The following AGBL1 variants were observed in gnomAD, a reference collection of about 807,000 sequenced individuals.
The protein encoded by AGBL1 is cytosolic carboxypeptidase 4.
A neutral mutation model predicts 118.9 loss-of-function variants in AGBL1; 130 were observed. The observed-to-expected ratio is 1.09, with a 90% CI of 0.95 to 1.26. The LOEUF (loss-of-function observed/expected upper bound fraction) is 1.26. AGBL1 is among the 50% of genes most tolerant of loss of function. AGBL1 has a pLI of 0.00. For synonymous variants in AGBL1, 555 were observed against 478.9 expected (o/e 1.16, Z -2.08); for missense variants, 1,584 against 1,298.1 (o/e 1.22, Z -3.38).
chr15:86,691,811 G>A (rs1302462950), intron 22 of AGBL1, among the ~76,000 whole-genome samples: 2 of 152,068 alleles, frequency 1.3e-5, no homozygotes, highest in African/African-American at 4.8e-5. Context: ...CATTAACTAT[G>A]ATCCAACTTA....
intron 5 of AGBL1, among the ~76,000 whole-genome samples, chr15:86,208,604 T>C (rs1026192228): frequency 3.9e-5 from 6 of 152,146 alleles, no homozygotes; most frequent in Admixed American, 6.5e-5. Context: ...AGTTTATTTG[T>C]GTAGAGGTGT....
At chr15:87,024,358 T>G (rs2081702487) in intron 24 of AGBL1, among the ~76,000 whole-genome samples, 1 of 151,910 alleles carries the variant, frequency 6.6e-6, no homozygotes, top group Admixed American at 6.6e-5. Context: ...CATCTTTACA[T>G]GCATAAATTA....
At chr15:86,142,734 C>T (rs766789372) in intron 2 of AGBL1, among the ~76,000 whole-genome samples, 12 of 152,284 alleles carry the variant, frequency 7.9e-5, no homozygotes, top group Non-Finnish European at 1.2e-4. Context: ...GTTTGTGCTG[C>T]GTTCCACTGG....
At chr15:86,841,543 A>G (rs2079244993) in intron 22 of AGBL1, among the ~76,000 whole-genome samples, 1 of 152,130 alleles carries the variant, frequency 6.6e-6, no homozygotes, top group Non-Finnish European at 1.5e-5. Context: ...TCACGATTTG[A>G]GCTCTAGAGT....
intron 24 of AGBL1, among the ~76,000 whole-genome samples, chr15:87,011,327 AAAAG>A: frequency 6.6e-6 from 1 of 152,352 alleles, no homozygotes; most frequent in South Asian, 2.1e-4. Context: ...GAGTGAATAG[AAAAG>A]AAACCTTCAC....
At chr15:86,632,348 C>T (rs1210998585) in intron 21 of AGBL1, among the ~76,000 whole-genome samples, 2 of 150,990 alleles carry the variant, frequency 1.3e-5, no homozygotes, top group East Asian at 3.9e-4. Flanking sequence ...GAGACTGAGG[C>T]AGGGAAATCG....
At chr15:87,016,066 T>C (rs552350338) in intron 24 of AGBL1, among the ~76,000 whole-genome samples, 91 of 152,332 alleles carry the variant, frequency 6.0e-4, no homozygotes, top group Non-Finnish European at 1.1e-3. Context: ...AAATTTTTAC[T>C]TACTTGCAGC....
chr15:86,312,587 AG>A (rs2141826350), intron 17 of AGBL1, among the ~76,000 whole-genome samples: 1 of 152,334 alleles, frequency 6.6e-6, no homozygotes, highest in Non-Finnish European at 1.5e-5. Flanking sequence ...TGCAGCTCAG[AG>A]GGAATTGGTG....
intron 17 of AGBL1, among the ~76,000 whole-genome samples, chr15:86,333,982 C>T (rs1342327837): frequency 6.6e-6 from 1 of 152,110 alleles, no homozygotes; most frequent in Non-Finnish European, 1.5e-5. Flanking sequence ...ATCTAACATC[C>T]TTTCATAATG....
At chr15:86,966,464 A>G (rs764506214) in intron 23 of AGBL1, among the ~76,000 whole-genome samples, 6 of 151,944 alleles carry the variant, frequency 3.9e-5, no homozygotes, top group Admixed American at 6.6e-5. Flanking sequence ...TCCTAATGCT[A>G]TCCCTCCCTG....
At chr15:86,537,812 T>G (rs1157013320) in intron 19 of AGBL1, among the ~76,000 whole-genome samples, 2 of 152,202 alleles carry the variant, frequency 1.3e-5, no homozygotes, top group African/African-American at 2.4e-5. Flanking sequence ...GATAACATCC[T>G]CCTTTAGGAC....
At chr15:86,152,878 A>G (rs2077133252) in intron 3 of AGBL1, among the ~76,000 whole-genome samples, 1 of 152,268 alleles carries the variant, frequency 6.6e-6, no homozygotes, top group African/African-American at 2.4e-5. Flanking sequence ...TTAAAAGAAG[A>G]CATTTATGCA....
At chr15:86,734,763 C>G (rs2077569967) in intron 22 of AGBL1, among the ~76,000 whole-genome samples, 1 of 152,116 alleles carries the variant, frequency 6.6e-6, no homozygotes, top group East Asian at 1.9e-4. Flanking sequence ...CTGGCAGCCT[C>G]TTTAGTTTTT....
At chr15:86,187,101 G>A (rs1044293849) in intron 5 of AGBL1, among the ~76,000 whole-genome samples, 3 of 152,144 alleles carry the variant, frequency 2.0e-5, no homozygotes, top group Admixed American at 2.0e-4. Flanking sequence ...TCCAAACTAT[G>A]CTGCAAACGC....
intron 24 of AGBL1, among the ~76,000 whole-genome samples, chr15:87,009,814 G>A (rs1445279138): frequency 6.6e-6 from 1 of 152,206 alleles, no homozygotes; most frequent in Non-Finnish European, 1.5e-5. Context: ...CTGGATTTTG[G>A]ACTTGCATGG....
chr15:86,985,404 C>T (rs759808942), intron 23 of AGBL1, among the ~76,000 whole-genome samples: 23 of 152,164 alleles, frequency 1.5e-4, no homozygotes, highest in Non-Finnish European at 2.4e-4. Context: ...CATTTGGCAT[C>T]GTCAGCCTTT....
At chr15:86,428,137 C>G (rs1261608981) in intron 18 of AGBL1, among the ~76,000 whole-genome samples, 2 of 152,142 alleles carry the variant, frequency 1.3e-5, no homozygotes, top group African/African-American at 2.4e-5. Flanking sequence ...TAAATAAACT[C>G]ACTAAAAGGA....
intron 23 of AGBL1, among the ~76,000 whole-genome samples, chr15:86,965,202 G>A (rs544173214): frequency 1.2e-4 from 18 of 152,158 alleles, no homozygotes; most frequent in African/African-American, 3.6e-4. Context: ...TTGAGGAATC[G>A]CCACACTCTC....
At chr15:86,880,294 G>C (rs1167172413) in intron 22 of AGBL1, among the ~76,000 whole-genome samples, 1 of 152,206 alleles carries the variant, frequency 6.6e-6, no homozygotes, top group Non-Finnish European at 1.5e-5. Flanking sequence ...CATAGCCTCA[G>C]AGTTGCAGAC....
Sources: gnomAD v4.1 joint callset for allele counts (sites outside exome capture counted in the v4.1 genomes callset) on GRCh38, gnomAD v4.1.1 for gene constraint, MANE v1.5 for transcripts, NCBI Gene and HGNC (gene_info 2026-07-23, HGNC 2026-07-21) for gene names.